Variants in INO80 observed in about 807,000 individuals in gnomAD.
The protein encoded by INO80 is INO80 complex ATPase subunit, also known as chromatin-remodeling ATPase INO80.
INO80 carries 20 observed loss-of-function variants against 203.4 expected under a neutral mutation model. That is an observed-to-expected ratio of 0.10 (90% CI 0.07 to 0.14). The LOEUF (loss-of-function observed/expected upper bound fraction) is 0.14, where lower values mean the gene tolerates loss of function less well. Ranked by LOEUF, INO80 falls within the 10% of genes least tolerant of loss-of-function variation. INO80 has a pLI of 1.00. For missense variants in INO80, 1,419 were observed against 1,914.4 expected, an observed-to-expected ratio of 0.74 and a Z score of 4.83; for synonymous variants, 726 against 685.2, an observed-to-expected ratio of 1.06 and a Z score of -0.93.
intron 19 of INO80, among the ~76,000 whole-genome samples, chr15:41,053,614 G>A (rs1053352620): frequency 6.6e-6 from 1 of 152,082 alleles, no homozygotes; most frequent in Non-Finnish European, 1.5e-5. Flanking sequence ...TAAAACATCT[G>A]GGATTTGCTT....
rs567031026 is a variant in INO80 at position 41,111,522 on chromosome 15, A to G, written c.-44+4451T>C. Among the ~76,000 whole-genome samples, 140 of 152,234 alleles carry G rather than the reference A, an allele frequency of 9.2e-4. No homozygotes were observed. The Middle Eastern group carries it at 0.01, about 11-fold the overall frequency. On this transcript the variant is annotated intron_variant, in intron 1 of 35. Transcript: ENST00000648947. ...TCTTATTCACTAAGAAGTTTCAAAA[A>G]CAGGCCACACAGTGGCTCACACCTG... is the stretch of plus-strand genomic sequence containing the variant.
chr15:40,981,376 C>T (rs189907432), intron 35 of INO80, among the ~76,000 whole-genome samples: 15 of 152,296 alleles, frequency 9.8e-5, no homozygotes, highest in South Asian at 6.2e-4. Context: ...GACCCTGCCA[C>T]GGCAGCCTGG....
intron 28 of INO80, among the ~76,000 whole-genome samples, chr15:41,001,728 CT>C (rs1359865505): frequency 1.3e-5 from 2 of 152,176 alleles, no homozygotes; most frequent in East Asian, 1.9e-4. Flanking sequence ...CTCAGTCAGA[CT>C]TTTTCCTGGA....
At chr15:41,057,023 A>G (rs1241982003) in intron 16 of INO80, among the ~76,000 whole-genome samples, 1 of 152,210 alleles carries the variant, frequency 6.6e-6, no homozygotes, top group Non-Finnish European at 1.5e-5. Flanking sequence ...AAGTCATTTA[A>G]TTAGAAAGTA....
intron 29 of INO80, among the ~76,000 whole-genome samples, chr15:40,990,965 G>C (rs938599990): frequency 6.6e-6 from 1 of 152,176 alleles, no homozygotes; most frequent in Non-Finnish European, 1.5e-5. Flanking sequence ...ATCTTGAGCT[G>C]TCTAAGCTTG....
At chr15:41,038,639 C>A (rs1192835456) in intron 24 of INO80, among the ~76,000 whole-genome samples, 2 of 152,176 alleles carry the variant, frequency 1.3e-5, no homozygotes, top group Non-Finnish European at 2.9e-5. Flanking sequence ...CAGTGCCCAT[C>A]CATATCCAAA....
chr15:40,979,183 G>C lies in INO80; in HGVS notation c.*1040C>G, dbSNP rs1260759472. ...CGATTTTCAGGTGTGCAAATCAGAG[G>C]CTTGCCCGCCCGGAGGTACCTGCTC... is the stretch of plus-strand genomic sequence containing the variant. On this transcript the variant is annotated 3_prime_UTR_variant, in exon 36 of 36. Transcript: ENST00000648947. 6.6e-6 allele frequency: 1 copy of C among 152,570 alleles called. No homozygotes were observed. The highest frequency in any genetic ancestry group is 1.5e-5 in the Non-Finnish European group (1 of 68,026). The allele number at this position is 152,570 out of a possible 1,614,324, so 9.5% of individuals were successfully genotyped here.
At chr15:41,026,498 A>T (rs1430627747) in intron 25 of INO80, among the ~76,000 whole-genome samples, 1 of 152,080 alleles carries the variant, frequency 6.6e-6, no homozygotes, top group Admixed American at 6.6e-5. Flanking sequence ...GGTTGCAGTG[A>T]GCTGAAATAA....
intron 29 of INO80, among the ~76,000 whole-genome samples, chr15:40,992,109 A>G (rs1167896991): frequency 6.6e-6 from 1 of 152,230 alleles, no homozygotes; most frequent in East Asian, 1.9e-4. Flanking sequence ...ACAAGTGGGA[A>G]AAGTTGGACC....
At chr15:40,988,963 C>T (rs189161842) in intron 29 of INO80, among the ~76,000 whole-genome samples, 132 of 151,594 alleles carry the variant, frequency 8.7e-4, no homozygotes, top group Non-Finnish European at 1.7e-3. Context: ...TGCAGTGAGC[C>T]GACACTGCAT....
At chr15:41,114,505 TCGAGACC>T (rs2046000641) in intron 1 of INO80, among the ~76,000 whole-genome samples, 8 of 151,830 alleles carry the variant, frequency 5.3e-5, no homozygotes, top group African/African-American at 1.9e-4. Context: ...GGTCAGGAGT[TCGAGACC>T]GGCCTAGCCA....
At chr15:41,030,534 G>A (rs1421295626) in intron 24 of INO80, among the ~76,000 whole-genome samples, 2 of 151,982 alleles carry the variant, frequency 1.3e-5, no homozygotes, top group South Asian at 2.1e-4. Context: ...TTTAATTTTT[G>A]TATTTTTAGT....
chr15:41,086,520 G>A lies in INO80; in HGVS notation c.659-937C>T, dbSNP rs537384128. Among the ~76,000 whole-genome samples the A allele has an allele frequency of 9.9e-5, 15 of 151,954 alleles. No homozygotes were observed. The South Asian group carries it at 1.9e-3, about 19-fold the overall frequency. On this transcript the variant is annotated intron_variant, in intron 6 of 35. Coordinates refer to ENST00000648947, the MANE Select transcript of INO80 (RefSeq NM_017553.3). ...ACAAAAATTAGCCAGGTATAGTGGC[G>A]TGCACCTTTAATCCCAACTACTCGG...
chr15:41,007,182 C>CTT (rs11330780), intron 27 of INO80, among the ~76,000 whole-genome samples: 53 of 119,292 alleles, frequency 4.4e-4, no homozygotes, highest in Non-Finnish European at 6.6e-4. Flanking sequence ...TTTTTTTTTT[C>CTT]TTTTTTTTTT....
intron 2 of INO80, 107 bp from the exon 3 acceptor site, chr15:41,096,035 ACTTTT>A: frequency 7.1e-7 from 1 of 1,407,254 alleles, no homozygotes; most frequent in Non-Finnish European, 9.6e-7. Context: ...AAATAAATTG[ACTTTT>A]TTATTTGAAA....
At chr15:41,057,797 CAAAAA>C (rs35197370) in intron 16 of INO80, among the ~76,000 whole-genome samples, 6 of 29,348 alleles carry the variant, frequency 2.0e-4, no homozygotes, top group African/African-American at 5.9e-4. Context: ...AACTACATCT[CAAAAA>C]AAAAAAAAAA....
At chr15:41,099,264 A>AAAAAAAAAAAAC (rs2045771063) in intron 1 of INO80, among the ~76,000 whole-genome samples, 1 of 128,124 alleles carries the variant, frequency 7.8e-6, no homozygotes, top group African/African-American at 2.9e-5. Context: ...AAAAAAAAAA[A>AAAAAAAAAAAAC]AAACAAACAC....
chr15:40,985,248 A>G, intron 32 of INO80, 90 bp downstream of exon 32: 1 of 873,184 alleles, frequency 1.1e-6, no homozygotes. Flanking sequence ...GCAACCAGTA[A>G]CCAAGATGAG....
chr15:40,985,056 A>G (rs965560530), intron 32 of INO80, among the ~76,000 whole-genome samples: 2 of 152,198 alleles, frequency 1.3e-5, no homozygotes, highest in Non-Finnish European at 2.9e-5. Context: ...TGCCCATCTT[A>G]GTCACATTTT....
Sources: allele counts gnomAD v4.1 joint callset (sites outside exome capture counted in the v4.1 genomes callset), GRCh38; gene constraint gnomAD v4.1.1; transcripts MANE v1.5; gene names NCBI Gene and HGNC (gene_info 2026-07-23, HGNC 2026-07-21).